The following EXPH5 variants were observed in gnomAD, a reference collection of about 807,000 sequenced individuals.
EXPH5 encodes exophilin 5.
In EXPH5, 42 loss-of-function variants were observed where a neutral mutation model predicts 41.1. The ratio of observed to expected loss-of-function variants is 1.02; its 90% CI spans 0.80 to 1.32. EXPH5 has a LOEUF of 1.32. Among genes scored for constraint, EXPH5 ranks in the 40% most tolerant of loss-of-function variants. The pLI is 0.00. For missense variants in EXPH5, 2,298 were observed against 2,314.5 expected (o/e 0.99, Z 0.15); for synonymous variants, 798 against 833.5 (o/e 0.96, Z 0.73).
the EXPH5 span, among the ~76,000 whole-genome samples, chr11:108,599,495 C>T: frequency 6.6e-6 from 1 of 152,116 alleles, no homozygotes; most frequent in African/African-American, 2.4e-5. Flanking sequence ...CATGAAAGAC[C>T]TCTGTAGATG....
intron 1 of EXPH5, among the ~76,000 whole-genome samples, chr11:108,587,710 A>C (rs2094117401): frequency 6.6e-6 from 1 of 152,240 alleles, no homozygotes; most frequent in South Asian, 2.1e-4. Context: ...AAAATAGTCA[A>C]ACATTCCATA....
chr11:108,573,140 GAAA>G (rs1410829583), intron 1 of EXPH5, among the ~76,000 whole-genome samples: 10 of 17,806 alleles, frequency 5.6e-4, no homozygotes, highest in Non-Finnish European at 8.9e-4. Context: ...AGGAAAGAAG[GAAA>G]GAAAGAAAGA....
At chr11:108,534,841 C>T (rs1311741486) in intron 3 of EXPH5, among the ~76,000 whole-genome samples, 1 of 152,142 alleles carries the variant, frequency 6.6e-6, no homozygotes, top group Non-Finnish European at 1.5e-5. Context: ...CTGGAAATTG[C>T]CATAAGATGT....
chr11:108,598,112 A>T (rs754516783), upstream of EXPH5, among the ~76,000 whole-genome samples: 1 of 152,230 alleles, frequency 6.6e-6, no homozygotes, highest in Non-Finnish European at 1.5e-5. Context: ...GGCTCCAGCC[A>T]GAGTGGTCAG....
intron 1 of EXPH5, among the ~76,000 whole-genome samples, chr11:108,562,017 C>G (rs376841318): frequency 6.6e-6 from 1 of 152,158 alleles, no homozygotes; most frequent in Non-Finnish European, 1.5e-5. Flanking sequence ...GAGGACTGGC[C>G]GTGCAGGGTT....
At chr11:108,569,308 A>G (rs1192664624) in intron 1 of EXPH5, among the ~76,000 whole-genome samples, 1 of 150,302 alleles carries the variant, frequency 6.7e-6, no homozygotes, top group Admixed American at 6.6e-5. Flanking sequence ...TCGTCACGTT[A>G]TAGTGAATGT....
rs11336102 is a variant in EXPH5 at position 108,542,334 on chromosome 11, C to CTTT, written c.120-525_120-523dup. Among the ~76,000 whole-genome samples the CTTT allele has an allele frequency of 1.2e-3, 183 of 147,576 alleles. 1 individual carries two copies. Among genetic ancestry groups the CTTT allele is most frequent in the African/African-American group, 4.1e-3 (165 of 40,504 alleles). The stretch of plus-strand genomic sequence containing the variant: ...ACTATGCATGTATTTTAGGTGTATT[C>CTTT]TTTTTTTTTTTTCTTTTTTAGTATT... On this transcript the variant is annotated intron_variant, in intron 1 of 5. Transcript: ENST00000265843.
At chr11:108,599,356 T>C in the EXPH5 span, among the ~76,000 whole-genome samples, 2 of 152,254 alleles carry the variant, frequency 1.3e-5, no homozygotes, top group Admixed American at 1.3e-4. Flanking sequence ...CTAAAGTTCT[T>C]TCTCATGTAT....
chr11:108,579,082 A>T (rs767942307), intron 1 of EXPH5, among the ~76,000 whole-genome samples: 10 of 152,304 alleles, frequency 6.6e-5, no homozygotes, highest in Non-Finnish European at 1.0e-4. Context: ...GTCTTGTTCC[A>T]GATCTTAGAG....
chr11:108,558,935 C>T (rs1009629164), intron 1 of EXPH5, among the ~76,000 whole-genome samples: 10 of 152,050 alleles, frequency 6.6e-5, no homozygotes, highest in Non-Finnish European at 1.2e-4. Context: ...GCTGAAGTCA[C>T]GAAAGGTGAA....
chr11:108,514,100 G>T lies in EXPH5; in HGVS notation c.1407C>A (p.Ser469Arg), dbSNP rs377484777. ...CTTGTCCAAATCTCCTCTGTTCTCC[G>T]CTTCGTCCAAAGGTATTGCTGAAGA... ...RSFFSNTFGR[S>R]GEQRRFGQGP... The change falls in exon 6 of 6, where the codon AGC becomes AGA. Residue 469 changes from serine to arginine, a missense_variant. By Grantham distance (110) the Ser-to-Arg change is moderately radical. Transcript: ENST00000265843. 8.1e-6 allele frequency: 13 copies of T among 1,613,678 alleles called. No homozygotes were observed. Among genetic ancestry groups the T allele is most frequent in the East Asian group, 2.2e-5 (1 of 44,874 alleles).
In EXPH5 at chr11:108,510,733, T is replaced by A; in HGVS notation, c.4774A>T (p.Lys1592Ter). The change falls in exon 6 of 6, where the codon AAA becomes TAA. Residue 1592 changes from lysine to a stop codon, truncating the protein, a stop_gained. Coordinates refer to ENST00000265843, the MANE Select transcript of EXPH5 (RefSeq NM_015065.3). LOFTEE classifies it low-confidence loss of function (END_TRUNC). Reference protein sequence around the residue: ...LVKGENRSSVKHRLAAMSKAS... With the variant: ...LVKGENRSSV ...TTAGACATGGCTGCCAATCTGTGTT[T>A]AACTGAAGATCTATTTTCCCCCTTT... The A allele has an allele frequency of 1.2e-6, 2 of 1,614,226 alleles. No homozygotes were observed. The highest frequency in any genetic ancestry group is 1.7e-6 in the Non-Finnish European group (2 of 1,180,034).
intron 1 of EXPH5, among the ~76,000 whole-genome samples, chr11:108,547,696 T>G (rs1310824428): frequency 6.6e-6 from 1 of 151,964 alleles, no homozygotes; most frequent in East Asian, 1.9e-4. Flanking sequence ...TTAAGAATCT[T>G]TCTTTGTTTA....
chr11:108,579,152 GC>G (rs1397617465), intron 1 of EXPH5, among the ~76,000 whole-genome samples: 13 of 151,078 alleles, frequency 8.6e-5, no homozygotes, highest in Non-Finnish European at 4.4e-5. Context: ...GTCCTATATT[GC>G]TTTGATTGTT....
At chr11:108,559,391 G>C (rs1482349206) in intron 1 of EXPH5, among the ~76,000 whole-genome samples, 1 of 152,202 alleles carries the variant, frequency 6.6e-6, no homozygotes, top group Non-Finnish European at 1.5e-5. Context: ...CAAGAAAGCT[G>C]CTCGGAGCTG....
At chr11:108,562,269 T>G (rs1286384031) in intron 1 of EXPH5, among the ~76,000 whole-genome samples, 3 of 149,906 alleles carry the variant, frequency 2.0e-5, no homozygotes, top group African/African-American at 4.9e-5. Flanking sequence ...TTCTGTGTTT[T>G]TTTTTTTTTT....
chr11:108,532,358 ATATATATATTTTTTTT>A (rs1363761330), intron 3 of EXPH5, among the ~76,000 whole-genome samples: 3 of 19,006 alleles, frequency 1.6e-4, no homozygotes, highest in Non-Finnish European at 2.4e-4. Context: ...ATATATATAT[ATATATATATTTTTTTT>A]TTTTTTTTTT....
intron 3 of EXPH5, among the ~76,000 whole-genome samples, chr11:108,532,333 A>C (rs1591701359): frequency 1.3e-5 from 1 of 78,550 alleles, no homozygotes; most frequent in Admixed American, 1.5e-4. Context: ...GTGCACCACC[A>C]CACTGGATAT....
intron 1 of EXPH5, among the ~76,000 whole-genome samples, chr11:108,564,810 T>G (rs1411673705): frequency 6.6e-6 from 1 of 152,018 alleles, no homozygotes; most frequent in Non-Finnish European, 1.5e-5. Flanking sequence ...GCTAATATGA[T>G]AAGCCAAAAA....
Sources: allele counts gnomAD v4.1 joint callset (sites outside exome capture counted in the v4.1 genomes callset), GRCh38; gene constraint gnomAD v4.1.1; transcripts MANE v1.5; gene names NCBI Gene and HGNC (gene_info 2026-07-23, HGNC 2026-07-21).